UGDH: variants seen among roughly 807,000 people sequenced by gnomAD.
The protein encoded by UGDH is UDP-glucose 6-dehydrogenase.
UGDH carries 38 observed loss-of-function variants against 50.6 expected under a neutral mutation model. The observed-to-expected ratio is 0.75, with a 90% CI of 0.58 to 0.98. UGDH has a LOEUF of 0.98. Ranked by LOEUF, UGDH falls within the 50% of genes least tolerant of loss-of-function variation. UGDH has a pLI of 0.00. For missense variants in UGDH, 465 were observed against 606.2 expected (o/e 0.77, Z 2.45); for synonymous variants, 168 against 199.9 (o/e 0.84, Z 1.35).
In UGDH at chr4:39,510,385, T is replaced by C; in HGVS notation, c.631A>G (p.Thr211Ala). ...HWVPREKILT[T>A]NTWSSELSKL... ...GAAAGCTCTGAAGACCAAGTATTAG[T>C]GGTGAGGATCTTTTCTCTGGGAACC... Residue 211 changes from threonine to alanine, a missense_variant, in exon 5 of 12, where the codon ACT (threonine) becomes GCT (alanine). Physicochemically the swap from Thr to Ala is moderately conservative, Grantham distance 58. Transcript: ENST00000316423. 6.8e-6 allele frequency: 11 copies of C among 1,614,192 alleles called. No homozygotes were observed. The highest frequency in any genetic ancestry group is 9.3e-6 in the Non-Finnish European group (11 of 1,180,024).
chr4:39,505,091 G>T (rs1195198898), intron 9 of UGDH, 146 bp downstream of exon 9: 3 of 749,482 alleles, frequency 4.0e-6, no homozygotes, highest in African/African-American at 1.8e-5. Context: ...ATGACATTAT[G>T]CCTAAGACTT....
chr4:39,518,323 G>C (rs1746512454), intron 2 of UGDH, among the ~76,000 whole-genome samples: 1 of 151,894 alleles, frequency 6.6e-6, no homozygotes, highest in Non-Finnish European at 1.5e-5. Context: ...TATACACTTG[G>C]AATTGCTGGA....
chr4:39,508,231 TTAC>T (rs1408779070), intron 7 of UGDH, among the ~76,000 whole-genome samples: 4 of 152,152 alleles, frequency 2.6e-5, no homozygotes, highest in African/African-American at 9.7e-5. Context: ...ATTATTGCTG[TTAC>T]TATTATTATG....
At chr4:39,506,605 C>T (rs1362658314) in intron 7 of UGDH, among the ~76,000 whole-genome samples, 1 of 152,186 alleles carries the variant, frequency 6.6e-6, no homozygotes. Flanking sequence ...GGTTTTTTAA[C>T]TAACTAAATG....
chr4:39,517,877 T>G (rs1327356204), intron 2 of UGDH, among the ~76,000 whole-genome samples: 1 of 152,228 alleles, frequency 6.6e-6, no homozygotes, highest in Non-Finnish European at 1.5e-5. Context: ...TTCAACACAG[T>G]ACAGTATTTT....
intron 2 of UGDH, among the ~76,000 whole-genome samples, chr4:39,516,791 G>C (rs998070642): frequency 6.6e-6 from 1 of 152,120 alleles, no homozygotes; most frequent in South Asian, 2.1e-4. Flanking sequence ...TCACAGTAAT[G>C]GGTTTCCTTG....
At position 39,503,012 on chromosome 4, in the gene UGDH, G is replaced by A. The variant is rs150182189; in HGVS notation, c.1374+863C>T. Among the ~76,000 whole-genome samples the A allele has an allele frequency of 7.2e-4, 109 of 152,276 alleles. 1 individual carries two copies. In the East Asian group the frequency reaches 0.02, roughly 28 times the overall value. ...GCTCACTGCAACCTCCGCCTCCCAG[G>A]TTTAAGCGATTCTCCTGCCTCAGCC... On this transcript the variant is annotated intron_variant, in intron 11 of 11. Transcript: ENST00000316423.
At chr4:39,521,069 CAAA>C (rs1179305904) in intron 2 of UGDH, among the ~76,000 whole-genome samples, 31 of 80,040 alleles carry the variant, frequency 3.9e-4, no homozygotes, top group Middle Eastern at 6.8e-3. Flanking sequence ...GACTCCGTCT[CAAA>C]AAAAAAAAAA....
chr4:39,521,494 T>G lies in UGDH; in HGVS notation c.19A>C (p.Ile7Leu), dbSNP rs761771847. MFEIKK[I>L]CCIGAGYVGG... ...ACATAGCCTGCACCGATGCAACAGA[T>G]CTTCTTAATTTCAAACATGATTGTA... Residue 7 changes from isoleucine (I) to leucine (L), a missense_variant, in exon 2 of 12, where the codon ATC becomes CTC. Ile to Leu is a conservative substitution (Grantham distance 5, BLOSUM62 2). Coordinates refer to ENST00000316423, the MANE Select transcript of UGDH (RefSeq NM_003359.4). 6.3e-7 allele frequency: 1 copy of G among 1,599,286 alleles called. No individual in the cohort carries two copies. Among genetic ancestry groups the G allele is most frequent in the Admixed American group, 1.7e-5 (1 of 57,474 alleles).
chr4:39,507,815 C>T (rs1746085386), intron 7 of UGDH, among the ~76,000 whole-genome samples: 1 of 151,694 alleles, frequency 6.6e-6, no homozygotes, highest in South Asian at 2.1e-4. Context: ...AAAAATTAGC[C>T]AATGTGGTGG....
At chr4:39,519,462 C>A (rs1746561801) in intron 2 of UGDH, among the ~76,000 whole-genome samples, 1 of 152,064 alleles carries the variant, frequency 6.6e-6, no homozygotes, top group Non-Finnish European at 1.5e-5. Context: ...TTATCAATAT[C>A]AGCATTATAG....
Position 39,505,809 on chromosome 4 carries a change from A to G in UGDH, c.907-61T>C, listed in dbSNP as rs1292432149. 3 of 1,507,510 alleles carry G rather than the reference A, an allele frequency of 2.0e-6. No homozygotes were observed. In the African/African-American group the frequency reaches 4.2e-5, roughly 21 times the overall value. 93.4% of individuals were successfully genotyped at this position (1,507,510 alleles called of 1,614,324 possible). A position where few individuals can be genotyped will look rare whatever the true frequency, so the allele number is the denominator to read the frequency against. Reference sequence around the variant, plus strand: ...AAAAGAGGCACAGCCTATGACACACATTACTCAGAATTTTATGGTGAGTGC... The same window carrying G: ...AAAAGAGGCACAGCCTATGACACACGTTACTCAGAATTTTATGGTGAGTGC... On this transcript the variant is annotated intron_variant, in intron 7 of 11. Coordinates refer to ENST00000316423, the MANE Select transcript of UGDH (RefSeq NM_003359.4).
intron 6 of UGDH, among the ~76,000 whole-genome samples, chr4:39,509,014 G>A (rs571613609): frequency 7.4e-5 from 11 of 148,564 alleles, no homozygotes; most frequent in East Asian, 2.0e-4. Context: ...TCCCTCTGTC[G>A]CCCAGGCTGA....
rs191051641 is a variant in UGDH, at chr4:39,504,317, A to C, written c.1263+100T>G. 1,220 of 1,127,390 alleles carry C rather than the reference A, an allele frequency of 1.1e-3. 11 individuals are homozygous for C. The African/African-American group carries it at 0.014, about 13-fold the overall frequency. 69.8% of individuals were successfully genotyped at this position (1,127,390 alleles called of 1,614,324 possible). ...AGCGAGACTCCATCTCAAAAAAAAA[A>C]ACAAAAAAACAAAAAAACACATACA... On this transcript the variant is annotated intron_variant, in intron 10 of 11. Coordinates refer to ENST00000316423, the MANE Select transcript of UGDH (RefSeq NM_003359.4).
In UGDH at chr4:39,505,699, A is replaced by G; in HGVS notation, c.956T>C (p.Ile319Thr). ...YQRRRFASRI[I>T]DSLFNTVTDK... ...AGTTACTGTATTAAACAGACTATCTATGATCCGGGAAGCAAACCTCCTCCT... is the reference window on the plus strand; with the variant it reads ...AGTTACTGTATTAAACAGACTATCTGTGATCCGGGAAGCAAACCTCCTCCT... Residue 319 changes from isoleucine (I) to threonine (T), a missense_variant, in exon 8 of 12, where the codon ATA becomes ACA. Ile to Thr is a moderately conservative substitution (Grantham distance 89). Transcript: ENST00000316423. The G allele has an allele frequency of 6.2e-7, 1 of 1,610,944 alleles. No homozygotes were observed. Among genetic ancestry groups the G allele is most frequent in the Non-Finnish European group, 8.5e-7 (1 of 1,178,210 alleles).
intron 7 of UGDH, among the ~76,000 whole-genome samples, chr4:39,506,233 T>TAAAAAA (rs373456890): frequency 0.087 from 11,411 of 130,888 alleles, 687 homozygotes; most frequent in East Asian, 0.16. Flanking sequence ...GCCGTAAATT[T>TAAAAAA]AAAAAAAAAA....
intron 1 of UGDH, chr4:39,526,983 G>C: frequency 7.8e-7 from 1 of 1,285,354 alleles, no homozygotes; most frequent in Non-Finnish European, 1.0e-6. Flanking sequence ...GGCTTTGGAG[G>C]CGGCAGGGAA....
At chr4:39,527,165 C>T in intron 1 of UGDH, 118 bp downstream of exon 1, 1 of 1,277,326 alleles carries the variant, frequency 7.8e-7, no homozygotes, top group Non-Finnish European at 1.0e-6. Flanking sequence ...AGCCCGGGAC[C>T]CAGCGCAGCG....
At position 39,503,968 on chromosome 4, in the gene UGDH, G is replaced by A. The variant is rs1357545149; in HGVS notation, c.1281C>T (p.Arg427=). The A allele has an allele frequency of 1.2e-6, 2 of 1,614,058 alleles. No individual in the cohort carries two copies. Among genetic ancestry groups the A allele is most frequent in the East Asian group, 2.2e-5 (1 of 44,882 alleles). ...CTGGCTTTAGCATTTTTTTATGAAT[G>A]CGTTCATAATCCAATTCCTGTAAAG... ...WDMFKELDYE[R]IHKKMLKPAF... The change falls in exon 11 of 12, where the codon CGC becomes CGT. Residue 427 remains arginine (R), a synonymous_variant. Coordinates refer to ENST00000316423, the MANE Select transcript of UGDH (RefSeq NM_003359.4).
Sources: allele counts gnomAD v4.1 joint callset (sites outside exome capture counted in the v4.1 genomes callset), GRCh38; gene constraint gnomAD v4.1.1; transcripts MANE v1.5; gene names NCBI Gene and HGNC (gene_info 2026-07-23, HGNC 2026-07-21).